MYO10: variants seen among roughly 807,000 people sequenced by gnomAD.
MYO10 encodes unconventional myosin-X.
In MYO10, 133 loss-of-function variants were observed where a neutral mutation model predicts 257.3. The observed-to-expected ratio is 0.52, with a 90% confidence interval of 0.45 to 0.60. The LOEUF (loss-of-function observed/expected upper bound fraction) is 0.60. Ranked by LOEUF, MYO10 falls within the 20% of genes least tolerant of loss-of-function variation. The probability of loss-of-function intolerance (pLI) is 0.00; values close to 1 mark genes in which losing one functional copy is unlikely to be tolerated. For synonymous variants in MYO10, 1,104 were observed against 1,028.6 expected, an observed-to-expected ratio of 1.07 and a Z score of -1.40; for missense variants, 2,399 against 2,635.7, an observed-to-expected ratio of 0.91 and a Z score of 1.97.
At chr5:16,780,834 A>T in intron 6 of MYO10, 93 bp from the exon 7 acceptor site, 3 of 1,267,844 alleles carry the variant, frequency 2.4e-6, no homozygotes, top group Non-Finnish European at 3.3e-6. Flanking sequence ...TGGTGCTCAA[A>T]TAATTACAGT....
At chr5:16,751,148 G>A (rs1208490942) in intron 19 of MYO10, among the ~76,000 whole-genome samples, 2 of 152,144 alleles carry the variant, frequency 1.3e-5, no homozygotes, top group African/African-American at 4.8e-5. Context: ...AAAATGAGGT[G>A]AGGAGAAACC....
intron 30 of MYO10, 31 bp downstream of exon 30, chr5:16,683,849 T>A: frequency 6.2e-7 from 1 of 1,610,830 alleles, no homozygotes; most frequent in Non-Finnish European, 8.5e-7. Context: ...GGTGATGAGC[T>A]GTTTTTGTTA....
At chr5:16,707,081 G>A (rs1738379833) in intron 21 of MYO10, among the ~76,000 whole-genome samples, 1 of 152,176 alleles carries the variant, frequency 6.6e-6, no homozygotes. Context: ...CATGGGATCT[G>A]ATAGTTTTAA....
chr5:16,680,414 TG>T (rs1398518278), intron 32 of MYO10, among the ~76,000 whole-genome samples: 1 of 152,214 alleles, frequency 6.6e-6, no homozygotes, highest in Admixed American at 6.5e-5. Context: ...TGTCTCTTTT[TG>T]GGCTCTGGAA....
At chr5:16,807,613 C>T (rs1225157217) in intron 3 of MYO10, among the ~76,000 whole-genome samples, 1 of 152,094 alleles carries the variant, frequency 6.6e-6, no homozygotes, top group Non-Finnish European at 1.5e-5. Context: ...CAGCCAGCAG[C>T]ATGCAACCTT....
At chr5:16,739,320 T>C (rs1739928920) in intron 19 of MYO10, among the ~76,000 whole-genome samples, 1 of 152,090 alleles carries the variant, frequency 6.6e-6, no homozygotes, top group Admixed American at 6.6e-5. Flanking sequence ...ATTTCACCTT[T>C]TGCAAATTTC....
intron 25 of MYO10, 147 bp downstream of exon 25, chr5:16,700,816 G>A: frequency 9.5e-7 from 1 of 1,054,658 alleles, no homozygotes; most frequent in Non-Finnish European, 1.3e-6. Context: ...TATGGAATAA[G>A]CAAAAGGTTT....
intron 19 of MYO10, among the ~76,000 whole-genome samples, chr5:16,740,564 G>A (rs1356548923): frequency 6.6e-6 from 1 of 152,088 alleles, no homozygotes; most frequent in Admixed American, 6.5e-5. Flanking sequence ...GGCACCTCCC[G>A]GGAGGGAAGC....
chr5:16,889,757 T>C (rs1042069395), intron 1 of MYO10, among the ~76,000 whole-genome samples: 13 of 151,692 alleles, frequency 8.6e-5, no homozygotes, highest in Admixed American at 6.6e-4. Flanking sequence ...GTGGAAGCAG[T>C]AGGAGGTACA....
Position 16,666,376 on chromosome 5 carries a change from T to G in MYO10, c.*316A>C. 3.5e-6 allele frequency: 1 copy of G among 288,510 alleles called. No homozygotes were observed. Among genetic ancestry groups the G allele is most frequent in the Non-Finnish European group, 6.4e-6 (1 of 155,560 alleles). The allele number at this position is 288,510 out of a possible 1,614,324, so 17.9% of individuals were successfully genotyped here. On this transcript the variant is annotated 3_prime_UTR_variant, in exon 41 of 41. Coordinates refer to ENST00000513610, the MANE Select transcript of MYO10 (RefSeq NM_012334.3). ...CAGTAGCACAGTTACGGTCGATTAG[T>G]GTTGGTTCCACAAGTTAAGGCACTT...
At chr5:16,862,013 C>T (rs1744121923) in intron 2 of MYO10, among the ~76,000 whole-genome samples, 1 of 152,128 alleles carries the variant, frequency 6.6e-6, no homozygotes, top group African/African-American at 2.4e-5. Flanking sequence ...AGATGTCACC[C>T]AGCAAATCTC....
intron 19 of MYO10, among the ~76,000 whole-genome samples, chr5:16,718,750 A>G (rs1393220745): frequency 6.6e-6 from 1 of 151,948 alleles, no homozygotes; most frequent in Admixed American, 6.6e-5. Context: ...TTGTAAATAC[A>G]CCAATCGGCA....
At chr5:16,673,955 C>A in intron 35 of MYO10, 66 bp from the exon 36 acceptor site, 1 of 1,464,778 alleles carries the variant, frequency 6.8e-7, no homozygotes, top group Non-Finnish European at 9.5e-7. Flanking sequence ...AGGAACTAGG[C>A]TGTGCCAAGG....
rs140232263 is a variant in MYO10, at chr5:16,844,454, A to G, written c.121-26287T>C. 7.9e-5 allele frequency among the ~76,000 whole-genome samples: 12 copies of G among 152,234 alleles called. No individual in the cohort carries two copies. The South Asian group carries it at 2.1e-3, about 26-fold the overall frequency. Reference sequence around the variant, plus strand: ...TCACAAAGTGAAAGGGCAAATAGTCATGAAAGTAATTATGGTAAGAAAAGA... The same window carrying G: ...TCACAAAGTGAAAGGGCAAATAGTCGTGAAAGTAATTATGGTAAGAAAAGA... On this transcript the variant is annotated intron_variant, in intron 2 of 40. Coordinates refer to ENST00000513610, the MANE Select transcript of MYO10 (RefSeq NM_012334.3).
intron 19 of MYO10, among the ~76,000 whole-genome samples, chr5:16,720,070 C>CAAATAACT (rs1443414043): frequency 6.6e-6 from 1 of 151,834 alleles, no homozygotes; most frequent in Admixed American, 6.6e-5. Flanking sequence ...AGCACCCACA[C>CAAATAACT]AAATAACTAA....
intron 1 of MYO10, 116 bp from the exon 2 acceptor site, chr5:16,877,823 A>C: frequency 2.6e-6 from 2 of 762,318 alleles, no homozygotes; most frequent in Non-Finnish European, 4.3e-6. Flanking sequence ...CTTGAAAAGT[A>C]AATGTCTTTC....
chr5:16,689,282 G>C (rs2126518460), intron 28 of MYO10, among the ~76,000 whole-genome samples: 1 of 152,186 alleles, frequency 6.6e-6, no homozygotes, highest in South Asian at 2.1e-4. Context: ...TAGAATATTA[G>C]CCTGAAATAT....
Position 16,713,766 on chromosome 5 carries a change from G to C in MYO10, c.1930-2521C>G, listed in dbSNP as rs115425516. On this transcript the variant is annotated intron_variant, in intron 19 of 40. Transcript: ENST00000513610. ...CTGCAATTTCCTTTTCTGGTGAATT[G>C]AATGTTCAAAGATGACACAGCTGGA... Among the ~76,000 whole-genome samples the C allele has an allele frequency of 4.1e-3, 629 of 152,312 alleles. 3 individuals carry two copies. The highest frequency in any genetic ancestry group is 0.015 in the African/African-American group (607 of 41,570).
chr5:16,750,863 T>C (rs549595437), intron 19 of MYO10, among the ~76,000 whole-genome samples: 87 of 152,096 alleles, frequency 5.7e-4, no homozygotes, highest in African/African-American at 1.7e-3. Flanking sequence ...GGCGTGGTGG[T>C]GCATGCCTGT....
Sources: gnomAD v4.1 joint callset for allele counts (sites outside exome capture counted in the v4.1 genomes callset) on GRCh38, gnomAD v4.1.1 for gene constraint, MANE v1.5 for transcripts, NCBI Gene and HGNC (gene_info 2026-07-23, HGNC 2026-07-21) for gene names.